The following ZNF536 variants were observed in gnomAD, a reference collection of about 807,000 sequenced individuals.
ZNF536 encodes the protein zinc finger protein 536.
In ZNF536, 13 loss-of-function variants were observed where a neutral mutation model predicts 84.5. The observed-to-expected ratio is 0.15, with a 90% CI of 0.10 to 0.24. The LOEUF (loss-of-function observed/expected upper bound fraction) is 0.24. Ranked by LOEUF, ZNF536 falls within the 10% of genes least tolerant of loss-of-function variation. ZNF536 has a pLI of 1.00. For synonymous variants in ZNF536, 811 were observed against 742.5 expected, an observed-to-expected ratio of 1.09 and a Z score of -1.50; for missense variants, 1,536 against 1,747.5, an observed-to-expected ratio of 0.88 and a Z score of 2.16.
downstream of ZNF536, among the ~76,000 whole-genome samples, chr19:30,561,276 T>C (rs529468497): frequency 6.6e-6 from 1 of 152,206 alleles, no homozygotes; most frequent in African/African-American, 2.4e-5. Context: ...GGAAGAGAGC[T>C]GGGGTTGACC....
At chr19:30,425,281 G>A (rs919941066) in intron 1 of ZNF536, among the ~76,000 whole-genome samples, 4 of 151,992 alleles carry the variant, frequency 2.6e-5, no homozygotes, top group African/African-American at 4.8e-5. Context: ...GTGTGATCAT[G>A]GGCAGGGAGA....
At chr19:30,623,032 G>GTTTT (rs1169214591) in intron 1 of ZNF536, among the ~76,000 whole-genome samples, 6 of 92,914 alleles carry the variant, frequency 6.5e-5, no homozygotes, top group African/African-American at 2.2e-4. Flanking sequence ...TTTTTTTTTT[G>GTTTT]TTTTTTTGTT....
At chr19:30,421,376 G>A (rs1345248142) in intron 1 of ZNF536, among the ~76,000 whole-genome samples, 1 of 151,884 alleles carries the variant, frequency 6.6e-6, no homozygotes, top group Non-Finnish European at 1.5e-5. Flanking sequence ...TGCCCAGGGC[G>A]ACTTCATTTT....
At chr19:30,681,531 C>T (rs1458311698) in intron 1 of ZNF536, among the ~76,000 whole-genome samples, 6 of 152,168 alleles carry the variant, frequency 3.9e-5, no homozygotes, top group Non-Finnish European at 8.8e-5. Flanking sequence ...CCCTGGTGTC[C>T]CTGGCCTGCT....
intron 1 of ZNF536, among the ~76,000 whole-genome samples, chr19:30,708,190 A>G (rs1045265421): frequency 1.3e-5 from 2 of 152,120 alleles, no homozygotes; most frequent in African/African-American, 4.8e-5. Flanking sequence ...TGGGAGGACC[A>G]GTACATACAC....
chr19:30,378,101 T>G (rs1284249968), intron 1 of ZNF536, among the ~76,000 whole-genome samples: 1 of 152,202 alleles, frequency 6.6e-6, no homozygotes, highest in Middle Eastern at 3.2e-3. Flanking sequence ...CAAAATGGAC[T>G]TGGCAATGAG....
rs376043083 is a variant in ZNF536 at position 30,344,695 on chromosome 19, G to C, written c.-119-7673G>C. ...CAGGCCATTTTTTTTTAAAGGCTGG[G>C]CCCATGGTGGCCTCGGGGATTCAGG... On this transcript the variant is annotated intron_variant, in intron 2 of 5. Transcript: ENST00000585628. 2.5e-3 allele frequency among the ~76,000 whole-genome samples: 373 copies of C among 152,202 alleles called. 3 individuals carry two copies. The highest frequency in any genetic ancestry group is 8.5e-3 in the African/African-American group (354 of 41,540).
At chr19:30,499,840 A>G (rs1433242309) in intron 2 of ZNF536, among the ~76,000 whole-genome samples, 1 of 152,100 alleles carries the variant, frequency 6.6e-6, no homozygotes, top group Non-Finnish European at 1.5e-5. Context: ...GGCTTGGTGG[A>G]AGTCCATGTT....
At chr19:30,316,452 A>AT (rs1398898176) in intron 2 of ZNF536, among the ~76,000 whole-genome samples, 1 of 152,066 alleles carries the variant, frequency 6.6e-6, no homozygotes, top group Non-Finnish European at 1.5e-5. Context: ...CTATTTTTCT[A>AT]TTTTTTAAAT....
chr19:30,493,089 CTTTTTTTTT>C (rs201787656), intron 2 of ZNF536, among the ~76,000 whole-genome samples: 90 of 71,604 alleles, frequency 1.3e-3, no homozygotes, highest in African/African-American at 5.8e-3. Context: ...ATATTACTCA[CTTTTTTTTT>C]TTTTTTTTTT....
chr19:30,694,708 A>T (rs371038830), intron 1 of ZNF536, among the ~76,000 whole-genome samples: 1 of 152,280 alleles, frequency 6.6e-6, no homozygotes, highest in East Asian at 1.9e-4. Context: ...TGGGGGAAAA[A>T]AATATGTGGG....
At chr19:30,466,805 G>A (rs2053432982) in intron 2 of ZNF536, among the ~76,000 whole-genome samples, 1 of 146,890 alleles carries the variant, frequency 6.8e-6, no homozygotes, top group African/African-American at 2.6e-5. Flanking sequence ...AGGAAGGAAG[G>A]AAGGAAGGGA....
intron 3 of ZNF536, among the ~76,000 whole-genome samples, chr19:30,547,722 T>C (rs1214292480): frequency 6.6e-6 from 1 of 152,180 alleles, no homozygotes; most frequent in Non-Finnish European, 1.5e-5. Flanking sequence ...AGATAGCTAA[T>C]TGTGTGTAGA....
intron 1 of ZNF536, among the ~76,000 whole-genome samples, chr19:30,261,157 GC>G (rs1346723899): frequency 2.6e-5 from 4 of 151,000 alleles, no homozygotes; most frequent in African/African-American, 9.7e-5. Context: ...AATTAGCCGG[GC>G]GTAGTGGCGG....
At chr19:30,703,744 G>A (rs1005994974) in intron 1 of ZNF536, among the ~76,000 whole-genome samples, 1 of 152,168 alleles carries the variant, frequency 6.6e-6, no homozygotes, top group Admixed American at 6.5e-5. Flanking sequence ...CAGCAGCCGT[G>A]CCAATCACCA....
chr19:30,592,230 G>A (rs567925014), intron 1 of ZNF536, among the ~76,000 whole-genome samples: 1 of 152,268 alleles, frequency 6.6e-6, no homozygotes, highest in South Asian at 2.1e-4. Flanking sequence ...TTATCCATTG[G>A]TGTTGTATAA....
intron 1 of ZNF536, among the ~76,000 whole-genome samples, chr19:30,423,114 C>T (rs1322598880): frequency 2.2e-5 from 2 of 91,186 alleles, no homozygotes; most frequent in Non-Finnish European, 4.7e-5. Flanking sequence ...CACATCCATC[C>T]ATCCATGCAT....
chr19:30,555,265 C>T (rs1051586176), intron 4 of ZNF536: 1 of 152,192 alleles, frequency 6.6e-6, no homozygotes, highest in Non-Finnish European at 1.5e-5. Context: ...ATCAGTGCTT[C>T]TCAGTTGAGT....
intron 1 of ZNF536, among the ~76,000 whole-genome samples, chr19:30,232,905 T>C (rs9304788): frequency 0.57 from 87,145 of 152,128 alleles, 25,879 homozygotes; most frequent in Admixed American, 0.68. Flanking sequence ...CAGACATTTC[T>C]ATATCTCCCT....
Sources: gnomAD v4.1 joint callset for allele counts (sites outside exome capture counted in the v4.1 genomes callset) on GRCh38, gnomAD v4.1.1 for gene constraint, MANE v1.5 for transcripts, NCBI Gene and HGNC (gene_info 2026-07-23, HGNC 2026-07-21) for gene names.